NR3C2: variants seen among roughly 807,000 people sequenced by gnomAD.
The protein encoded by NR3C2 is mineralocorticoid receptor.
A neutral mutation model predicts 86.4 loss-of-function variants in NR3C2; 15 were observed. The observed-to-expected ratio is 0.17, with a 90% CI of 0.12 to 0.27. The LOEUF is 0.27. Ranked by LOEUF, NR3C2 falls within the 10% of genes least tolerant of loss-of-function variation. The pLI, the probability that NR3C2 is intolerant of heterozygous loss-of-function variation, is 1.00. For synonymous variants in NR3C2, 458 were observed against 450.5 expected, an observed-to-expected ratio of 1.02 and a Z score of -0.21; for missense variants, 960 against 1,195.6, an observed-to-expected ratio of 0.80 and a Z score of 2.91.
At chr4:148,177,115 T>C (rs1025470087) in intron 4 of NR3C2, among the ~76,000 whole-genome samples, 2 of 152,346 alleles carry the variant, frequency 1.3e-5, no homozygotes, top group East Asian at 3.9e-4. Flanking sequence ...CTGTAAATCA[T>C]CATTTTTTAA....
chr4:148,443,637 C>A (rs1389629817), upstream of NR3C2, among the ~76,000 whole-genome samples: 1 of 152,190 alleles, frequency 6.6e-6, no homozygotes, highest in Non-Finnish European at 1.5e-5. Context: ...TGTAAGGCCC[C>A]GTTTTAGGCT....
In NR3C2 at chr4:148,365,819, G is replaced by A. The variant is rs1255199669; in HGVS notation, c.1757+69285C>T. ...TGATAAATTTCAATCAGATATTAGT[G>A]AAAATACAAGTATAACTTTTTCCCA... is the stretch of plus-strand genomic sequence containing the variant. On this transcript the variant is annotated intron_variant, in intron 2 of 8. Transcript: ENST00000358102. Among the ~76,000 whole-genome samples the A allele has an allele frequency of 3.3e-5, 5 of 152,038 alleles. No individual in the cohort carries two copies. In the East Asian group the frequency reaches 9.6e-4, roughly 29 times the overall value.
intron 2 of NR3C2, among the ~76,000 whole-genome samples, chr4:148,392,942 T>G (rs1747666153): frequency 6.6e-6 from 1 of 152,164 alleles, no homozygotes; most frequent in South Asian, 2.1e-4. Flanking sequence ...TATATATATC[T>G]TTCAGTAGGT....
At chr4:148,124,397 A>G (rs1459828411) in intron 6 of NR3C2, among the ~76,000 whole-genome samples, 3 of 152,220 alleles carry the variant, frequency 2.0e-5, no homozygotes, top group Non-Finnish European at 2.9e-5. Flanking sequence ...TACTTTGCAG[A>G]TAGTATTCAA....
intron 2 of NR3C2, among the ~76,000 whole-genome samples, chr4:148,351,404 A>C (rs1745267537): frequency 6.6e-6 from 1 of 152,180 alleles, no homozygotes. Flanking sequence ...AGGCCTCCCA[A>C]AGTGCTGGGA....
intron 3 of NR3C2, among the ~76,000 whole-genome samples, chr4:148,203,429 T>C (rs1056937227): frequency 3.3e-5 from 5 of 152,140 alleles, no homozygotes; most frequent in Non-Finnish European, 5.9e-5. Context: ...GATCCATTTG[T>C]TGTCCTGCTG....
intron 2 of NR3C2, among the ~76,000 whole-genome samples, chr4:148,400,501 C>T (rs1239686786): frequency 6.6e-6 from 1 of 152,006 alleles, no homozygotes; most frequent in African/African-American, 2.4e-5. Flanking sequence ...AAGACTGTGG[C>T]CAGGCATGGT....
chr4:148,391,610 TAATCCCAGC>T (rs1747567911), intron 2 of NR3C2, among the ~76,000 whole-genome samples: 1 of 152,206 alleles, frequency 6.6e-6, no homozygotes, highest in Non-Finnish European at 1.5e-5. Flanking sequence ...CTCACGCCTG[TAATCCCAGC>T]AGTTTGGGAG....
chr4:148,246,545 TTTA>T (rs1739322133), intron 3 of NR3C2, among the ~76,000 whole-genome samples: 1 of 151,978 alleles, frequency 6.6e-6, no homozygotes, highest in Admixed American at 6.6e-5. Flanking sequence ...TATGTTTAAT[TTTA>T]TTATTTTATT....
intron 2 of NR3C2, among the ~76,000 whole-genome samples, chr4:148,422,869 C>T (rs1171189945): frequency 3.9e-5 from 6 of 152,094 alleles, no homozygotes; most frequent in Non-Finnish European, 8.8e-5. Flanking sequence ...TATTCTGCTC[C>T]TCTTCTCTTA....
intron 2 of NR3C2, among the ~76,000 whole-genome samples, chr4:148,386,791 C>T (rs949797118): frequency 6.6e-6 from 1 of 152,140 alleles, no homozygotes; most frequent in African/African-American, 2.4e-5. Context: ...TTCTTTCTAC[C>T]CTTTGTTCCT....
At chr4:148,196,168 G>A (rs114608157) in intron 3 of NR3C2, among the ~76,000 whole-genome samples, 2,822 of 152,284 alleles carry the variant, frequency 0.019, 40 homozygotes, top group Middle Eastern at 0.034. Context: ...GCAAGGGTTT[G>A]CTGACAGATC....
chr4:148,306,460 G>A (rs531425238), intron 2 of NR3C2, among the ~76,000 whole-genome samples: 9 of 152,222 alleles, frequency 5.9e-5, no homozygotes, highest in Admixed American at 3.9e-4. Flanking sequence ...AACATATCCC[G>A]AAGTTTAAAA....
At chr4:148,443,978 G>A, upstream of NR3C2, 1 of 984,810 alleles carries the variant, frequency 1.0e-6, no homozygotes, top group Non-Finnish European at 1.2e-6. Context: ...AATGCCCCTC[G>A]GTCCCCAGCT....
intron 8 of NR3C2, among the ~76,000 whole-genome samples, chr4:148,112,306 A>T (rs1732079833): frequency 6.6e-6 from 1 of 152,264 alleles, no homozygotes; most frequent in African/African-American, 2.4e-5. Flanking sequence ...CTATAATCAC[A>T]TGAATTTTGA....
chr4:148,380,642 C>T (rs759122653), intron 2 of NR3C2, among the ~76,000 whole-genome samples: 5 of 152,136 alleles, frequency 3.3e-5, no homozygotes, highest in Admixed American at 1.3e-4. Flanking sequence ...TCTTAGTGGG[C>T]GCGAAGTGGT....
At chr4:148,317,749 C>A (rs1239915992) in intron 2 of NR3C2, among the ~76,000 whole-genome samples, 2 of 141,850 alleles carry the variant, frequency 1.4e-5, no homozygotes, top group African/African-American at 5.3e-5. Flanking sequence ...AAATGAAAAC[C>A]TAATAGATCT....
At chr4:148,321,594 A>G (rs1743595976) in intron 2 of NR3C2, among the ~76,000 whole-genome samples, 1 of 152,140 alleles carries the variant, frequency 6.6e-6, no homozygotes. Context: ...TAGGATAGTT[A>G]GCTCTTCTTG....
chr4:148,165,307 A>G (rs1041627741), intron 4 of NR3C2, among the ~76,000 whole-genome samples: 2 of 152,198 alleles, frequency 1.3e-5, no homozygotes, highest in African/African-American at 2.4e-5. Context: ...GACTTCTAAG[A>G]CAGCTAAGGA....
Sources: gnomAD v4.1 joint callset for allele counts (sites outside exome capture counted in the v4.1 genomes callset) on GRCh38, gnomAD v4.1.1 for gene constraint, MANE v1.5 for transcripts, NCBI Gene and HGNC (gene_info 2026-07-23, HGNC 2026-07-21) for gene names.